DNER: variants seen among roughly 807,000 people sequenced by gnomAD.
DNER encodes delta/notch like EGF repeat containing.
A neutral mutation model predicts 78.2 loss-of-function variants in DNER; 33 were observed. That is an observed-to-expected ratio of 0.42 (90% CI 0.32 to 0.56). The LOEUF is 0.56. Among genes scored for constraint, DNER ranks in the 20% least tolerant of loss-of-function variants. DNER has a pLI of 0.11. For synonymous variants in DNER, 417 were observed against 384.8 expected, an observed-to-expected ratio of 1.08 and a Z score of -0.98; for missense variants, 918 against 975.3, an observed-to-expected ratio of 0.94 and a Z score of 0.78.
chr2:229,633,703 G>A (rs13006528), intron 1 of DNER, among the ~76,000 whole-genome samples: 65,125 of 152,064 alleles, frequency 0.43, 17,004 homozygotes, highest in Non-Finnish European at 0.59. Flanking sequence ...GCAGCAGCCC[G>A]TTCAGGGCCT....
chr2:229,418,376 A>G (rs1271970933), intron 8 of DNER, 146 bp from the exon 9 acceptor site: 2 of 1,146,332 alleles, frequency 1.7e-6, no homozygotes, highest in South Asian at 1.6e-5. Flanking sequence ...CTCTTGGGGT[A>G]AAGTTGAAAG....
intron 8 of DNER, among the ~76,000 whole-genome samples, chr2:229,425,509 T>A (rs566519224): frequency 7.2e-5 from 11 of 152,088 alleles, no homozygotes; most frequent in African/African-American, 2.7e-4. Flanking sequence ...TGCATAAAGG[T>A]CTTAAGAGTC....
At chr2:229,643,922 G>A (rs909666519) in intron 1 of DNER, among the ~76,000 whole-genome samples, 3 of 151,984 alleles carry the variant, frequency 2.0e-5, no homozygotes, top group Admixed American at 2.0e-4. Context: ...GCCTAACGTT[G>A]TCTCAAAGAA....
At chr2:229,586,944 G>C in intron 3 of DNER, 1 of 985,450 alleles carries the variant, frequency 1.0e-6, no homozygotes, top group Non-Finnish European at 1.2e-6. Flanking sequence ...TAAGGAGCTA[G>C]TAACCCCCAC....
chr2:229,565,103 T>C (rs1225763227), intron 4 of DNER, among the ~76,000 whole-genome samples: 2 of 152,102 alleles, frequency 1.3e-5, no homozygotes, highest in Non-Finnish European at 2.9e-5. Context: ...TTTCAACATA[T>C]GAATTTGGGG....
intron 4 of DNER, among the ~76,000 whole-genome samples, chr2:229,568,543 A>AT (rs1697155469): frequency 1.3e-5 from 2 of 152,298 alleles, no homozygotes; most frequent in Admixed American, 1.3e-4. Context: ...ATAGAAAATA[A>AT]TTTTTATTTT....
At chr2:229,574,338 A>C (rs188543237) in intron 4 of DNER, among the ~76,000 whole-genome samples, 3 of 152,348 alleles carry the variant, frequency 2.0e-5, no homozygotes. Flanking sequence ...GAAAGAAAGG[A>C]AGGAACGAAT....
intron 1 of DNER, among the ~76,000 whole-genome samples, chr2:229,656,321 A>T (rs1374660212): frequency 6.6e-6 from 1 of 152,188 alleles, no homozygotes; most frequent in African/African-American, 2.4e-5. Context: ...GTGGCCTTGG[A>T]CATGTTTCTT....
chr2:229,661,299 A>C (rs1254422285), intron 1 of DNER, among the ~76,000 whole-genome samples: 1 of 152,150 alleles, frequency 6.6e-6, no homozygotes, highest in Non-Finnish European at 1.5e-5. Flanking sequence ...CCTGTACACC[A>C]GTCCCCCACA....
rs376000556 is a variant in DNER at position 229,591,816 on chromosome 2, CGCT to C, written c.346_348del (p.Ser116del). 1.9e-3 allele frequency: 2,983 copies of C among 1,559,898 alleles called. 1 individual carries two copies. The highest frequency in any genetic ancestry group is 5.8e-3 in the South Asian group (494 of 85,806). ...TCATTGCAAATGCAGAGGTAGCCAT[CGCT>C]GCTGCTGCTGCTGCTGCTGCTGCAG... On this transcript the variant is annotated inframe_deletion, in exon 2 of 13. Transcript: ENST00000341772. This position sits in a 1 kb window ranked among gnomAD's most constrained non-coding sequence, Gnocchi z 4.6.
chr2:229,416,967 T>C lies in DNER; in HGVS notation c.1609+1141A>G, dbSNP rs886639407. ...AGGGGAAAGAAGGAGGTTGAAGATATGTAGAGAGAAAGGTAATAGATAGAT... is the reference window on the plus strand; with the variant it reads ...AGGGGAAAGAAGGAGGTTGAAGATACGTAGAGAGAAAGGTAATAGATAGAT... On this transcript the variant is annotated intron_variant, in intron 9 of 12. Transcript: ENST00000341772. 2.0e-5 allele frequency among the ~76,000 whole-genome samples: 3 copies of C among 152,228 alleles called. No individual in the cohort carries two copies. The South Asian group carries it at 6.2e-4, about 32-fold the overall frequency.
At chr2:229,706,108 G>A (rs927999993) in intron 1 of DNER, among the ~76,000 whole-genome samples, 2 of 152,126 alleles carry the variant, frequency 1.3e-5, no homozygotes, top group Non-Finnish European at 2.9e-5. Flanking sequence ...AAGAGGGATG[G>A]AAGAGAACAA....
chr2:229,404,123 C>T (rs548211177), intron 10 of DNER, among the ~76,000 whole-genome samples: 314 of 152,172 alleles, frequency 2.1e-3, no homozygotes, highest in Non-Finnish European at 3.5e-3. Context: ...ATGGTGCTGA[C>T]TCTGCAAAGA....
At chr2:229,424,978 C>T (rs951320309) in intron 8 of DNER, among the ~76,000 whole-genome samples, 5 of 152,162 alleles carry the variant, frequency 3.3e-5, no homozygotes, top group African/African-American at 1.2e-4. Flanking sequence ...TTTGGAGAAC[C>T]ACTGTTCTAG....
chr2:229,601,356 T>C (rs1697823387), intron 1 of DNER, among the ~76,000 whole-genome samples: 1 of 152,196 alleles, frequency 6.6e-6, no homozygotes, highest in Non-Finnish European at 1.5e-5. Context: ...ACTATAGTGC[T>C]TATGCCAGTA....
intron 6 of DNER, among the ~76,000 whole-genome samples, chr2:229,502,822 G>A (rs1488112095): frequency 6.6e-6 from 1 of 152,178 alleles, no homozygotes; most frequent in East Asian, 1.9e-4. Flanking sequence ...GAGACGGCAG[G>A]CAGGGCTGGT....
At chr2:229,480,111 C>A (rs942016571) in intron 6 of DNER, among the ~76,000 whole-genome samples, 3 of 152,184 alleles carry the variant, frequency 2.0e-5, no homozygotes, top group African/African-American at 4.8e-5. Flanking sequence ...AAAGTTCTTT[C>A]AATAAAATTT....
chr2:229,594,461 C>A (rs1344482156), intron 1 of DNER, among the ~76,000 whole-genome samples: 1 of 152,146 alleles, frequency 6.6e-6, no homozygotes, highest in Non-Finnish European at 1.5e-5. Flanking sequence ...GTGGTGGGCA[C>A]CTGTAATCCC....
intron 1 of DNER, among the ~76,000 whole-genome samples, chr2:229,686,042 T>C (rs1288898113): frequency 6.6e-6 from 1 of 152,124 alleles, no homozygotes; most frequent in African/African-American, 2.4e-5. Flanking sequence ...CATATGTTTG[T>C]GCTGGGTGCC....
Sources: allele counts gnomAD v4.1 joint callset (sites outside exome capture counted in the v4.1 genomes callset), GRCh38; gene constraint gnomAD v4.1.1; non-coding constraint Gnocchi (gnomAD v3.1); transcripts MANE v1.5; gene names NCBI Gene and HGNC (gene_info 2026-07-23, HGNC 2026-07-21).